Variants in AOPEP observed in about 807,000 individuals in gnomAD.
AOPEP encodes aminopeptidase O (putative), also known as aminopeptidase O.
AOPEP carries 77 observed loss-of-function variants against 98.1 expected under a neutral mutation model. The observed-to-expected ratio is 0.78, with a 90% CI of 0.65 to 0.95. The LOEUF is 0.95. Ranked by LOEUF, AOPEP falls within the 40% of genes least tolerant of loss-of-function variation. AOPEP has a pLI of 0.00. For synonymous variants in AOPEP, 346 were observed against 365.3 expected, an observed-to-expected ratio of 0.95 and a Z score of 0.60; for missense variants, 1,024 against 1,024.7, an observed-to-expected ratio of 1.00 and a Z score of 0.01.
chr9:94,870,179 G>A (rs2046183170), intron 5 of AOPEP, among the ~76,000 whole-genome samples: 3 of 151,842 alleles, frequency 2.0e-5, no homozygotes, highest in Admixed American at 6.6e-5. Flanking sequence ...TAGTAGAAAC[G>A]GGGTTTCACC....
At chr9:94,735,193 T>C (rs1657265405) in intron 1 of AOPEP, among the ~76,000 whole-genome samples, 1 of 152,224 alleles carries the variant, frequency 6.6e-6, no homozygotes, top group Non-Finnish European at 1.5e-5. Flanking sequence ...TGTAGATTAT[T>C]GGCTGCTATC....
chr9:94,817,082 C>T (rs1317341653), intron 5 of AOPEP, among the ~76,000 whole-genome samples: 2 of 152,166 alleles, frequency 1.3e-5, no homozygotes, highest in East Asian at 3.9e-4. Flanking sequence ...CTCGCTGCAG[C>T]CTCATCCTCC....
intron 13 of AOPEP, among the ~76,000 whole-genome samples, chr9:95,010,035 C>A (rs1460530739): frequency 6.6e-6 from 1 of 151,906 alleles, no homozygotes; most frequent in Non-Finnish European, 1.5e-5. Flanking sequence ...ATACTTGACT[C>A]TGAACCAAAA....
chr9:94,967,744 T>C lies in AOPEP; in HGVS notation c.1873-14T>C, dbSNP rs756865436. On this transcript the variant is annotated splice_polypyrimidine_tract_variant and intron_variant, in intron 9 of 16. Coordinates refer to ENST00000375315, the MANE Select transcript of AOPEP (RefSeq NM_001193329.3). ...TGATGGACATCTTTAATGATTTGCT[T>C]TTTTTAATCCCAGGATTTCCTTCAA... is the stretch of plus-strand genomic sequence containing the variant. The C allele has an allele frequency of 1.2e-6, 2 of 1,611,554 alleles. No homozygotes were observed. Among genetic ancestry groups the C allele is most frequent in the Non-Finnish European group, 1.7e-6 (2 of 1,177,650 alleles).
intron 5 of AOPEP, among the ~76,000 whole-genome samples, chr9:94,878,270 C>T (rs1011865973): frequency 6.7e-6 from 1 of 148,152 alleles, no homozygotes; most frequent in African/African-American, 2.5e-5. Flanking sequence ...TGTCCACTTT[C>T]GGGGAGAAGT....
At chr9:94,875,389 C>T (rs1270731471) in intron 5 of AOPEP, among the ~76,000 whole-genome samples, 1 of 137,578 alleles carries the variant, frequency 7.3e-6, no homozygotes, top group South Asian at 2.3e-4. Context: ...TGAAATCAGG[C>T]AGCTCCCAGA....
chr9:94,983,272 C>G (rs1242641357), intron 11 of AOPEP, among the ~76,000 whole-genome samples: 1 of 152,166 alleles, frequency 6.6e-6, no homozygotes, highest in Admixed American at 6.5e-5. Flanking sequence ...ATCCGCCTGC[C>G]TTGGCCTCCC....
chr9:94,782,430 G>T (rs775503095), intron 3 of AOPEP, among the ~76,000 whole-genome samples: 1 of 152,156 alleles, frequency 6.6e-6, no homozygotes, highest in East Asian at 1.9e-4. Context: ...GCTACTCTCT[G>T]GCCTGCCCAA....
At chr9:95,143,019 G>T in the AOPEP span, among the ~76,000 whole-genome samples, 1 of 152,208 alleles carries the variant, frequency 6.6e-6, no homozygotes, top group African/African-American at 2.4e-5. Context: ...GCCAATCACA[G>T]GTCTAGGCCT....
intron 5 of AOPEP, among the ~76,000 whole-genome samples, chr9:94,898,981 C>G (rs908855629): frequency 6.6e-6 from 1 of 150,456 alleles, no homozygotes; most frequent in African/African-American, 2.5e-5. Context: ...CTTAAGTAGA[C>G]CAAATGTGGG....
chr9:94,842,823 T>C (rs1164674311), intron 5 of AOPEP, among the ~76,000 whole-genome samples: 2 of 152,146 alleles, frequency 1.3e-5, no homozygotes, highest in African/African-American at 4.8e-5. Context: ...AAACATTATG[T>C]TTTTTCCTTT....
chr9:94,777,039 T>C (rs73532355), intron 3 of AOPEP, among the ~76,000 whole-genome samples: 1 of 152,112 alleles, frequency 6.6e-6, no homozygotes, highest in African/African-American at 2.4e-5. Flanking sequence ...TTCTTTTTTT[T>C]AATATTTTTA....
rs191649395 is a variant in AOPEP at position 94,846,339 on chromosome 9, A to G, written c.1364+45337A>G. On this transcript the variant is annotated intron_variant, in intron 5 of 16. Transcript: ENST00000375315. The stretch of plus-strand genomic sequence containing the variant: ...TGGAAGTTATGAGGACTGAGGGTGG[A>G]CTGTGGGATTTGGTTCAGTGGGGGT... 3.9e-5 allele frequency among the ~76,000 whole-genome samples: 6 copies of G among 152,186 alleles called. 1 individual carries two copies. The East Asian group carries it at 1.2e-3, about 29-fold the overall frequency.
At chr9:94,844,681 A>G (rs928316425) in intron 5 of AOPEP, among the ~76,000 whole-genome samples, 7 of 152,204 alleles carry the variant, frequency 4.6e-5, no homozygotes, top group Non-Finnish European at 1.0e-4. Context: ...ATCCACAGAC[A>G]CATATCGAAT....
intron 7 of AOPEP, among the ~76,000 whole-genome samples, chr9:94,944,606 C>T (rs111888869): frequency 3.9e-5 from 6 of 152,222 alleles, no homozygotes; most frequent in East Asian, 1.9e-4. Context: ...ACTCTGTCCC[C>T]GAGGCTGGAG....
chr9:94,739,038 C>G (rs1832456379), intron 1 of AOPEP, among the ~76,000 whole-genome samples: 1 of 152,166 alleles, frequency 6.6e-6, no homozygotes, highest in African/African-American at 2.4e-5. Context: ...GCCAGGAAAG[C>G]TCCTGGGCCA....
At chr9:94,840,221 T>G (rs1359525470) in intron 5 of AOPEP, among the ~76,000 whole-genome samples, 1 of 152,222 alleles carries the variant, frequency 6.6e-6, no homozygotes, top group African/African-American at 2.4e-5. Flanking sequence ...TGTTGAGTTT[T>G]GTTAGATGCT....
At chr9:95,060,869 T>C (rs1453489894) in intron 14 of AOPEP, 59 bp downstream of exon 14, 1 of 1,067,438 alleles carries the variant, frequency 9.4e-7, no homozygotes, top group Non-Finnish European at 1.5e-6. Flanking sequence ...TGAAGAATGG[T>C]GATCCCATTG....
intron 5 of AOPEP, among the ~76,000 whole-genome samples, chr9:94,923,764 G>A (rs965518648): frequency 6.6e-6 from 1 of 152,136 alleles, no homozygotes; most frequent in African/African-American, 2.4e-5. Flanking sequence ...GTTTGATGAT[G>A]GAGAAAACTG....
Sources: allele counts gnomAD v4.1 joint callset (sites outside exome capture counted in the v4.1 genomes callset), GRCh38; gene constraint gnomAD v4.1.1; transcripts MANE v1.5; gene names NCBI Gene and HGNC (gene_info 2026-07-23, HGNC 2026-07-21).